Variants in SLMAP observed in about 807,000 individuals in gnomAD.
SLMAP encodes the protein sarcolemmal membrane-associated protein.
SLMAP carries 44 observed loss-of-function variants against 128.8 expected under a neutral mutation model. The ratio of observed to expected loss-of-function variants is 0.34; its 90% confidence interval spans 0.27 to 0.44. The LOEUF (loss-of-function observed/expected upper bound fraction) is 0.44, where lower values mean the gene tolerates loss of function less well. Ranked by LOEUF, SLMAP falls within the 20% of genes least tolerant of loss-of-function variation. SLMAP has a pLI of 1.00. For missense variants in SLMAP, 787 were observed against 985.3 expected (o/e 0.80, Z 2.69); for synonymous variants, 327 against 348.8 (o/e 0.94, Z 0.70).
At chr3:57,768,803 G>A (rs1051234593) in intron 2 of SLMAP, among the ~76,000 whole-genome samples, 6 of 151,726 alleles carry the variant, frequency 4.0e-5, no homozygotes, top group African/African-American at 4.9e-5. Context: ...CTAATCAGTC[G>A]AAGGCCTTAA....
At chr3:57,760,499 A>G (rs2078402115) in intron 2 of SLMAP, among the ~76,000 whole-genome samples, 1 of 152,168 alleles carries the variant, frequency 6.6e-6, no homozygotes, top group African/African-American at 2.4e-5. Flanking sequence ...AGTAGGTTTT[A>G]ATTGAGCATC....
At chr3:57,889,975 A>C (rs896415906) in intron 14 of SLMAP, 66 bp from the exon 15 acceptor site, 1 of 1,127,270 alleles carries the variant, frequency 8.9e-7, no homozygotes, top group African/African-American at 1.5e-5. Context: ...AATGTGTTAC[A>C]CTGCCCAGCT....
At chr3:57,779,409 T>G (rs2082547088) in intron 2 of SLMAP, among the ~76,000 whole-genome samples, 1 of 149,750 alleles carries the variant, frequency 6.7e-6, no homozygotes, top group Non-Finnish European at 1.5e-5. Flanking sequence ...CTCAGGAGGC[T>G]GAGGTGGGAG....
chr3:57,910,202 G>GT, intron 19 of SLMAP, among the ~76,000 whole-genome samples: 1 of 151,800 alleles, frequency 6.6e-6, no homozygotes, highest in Middle Eastern at 3.4e-3. Flanking sequence ...TTTTTTGCTT[G>GT]TTTTTTTGAG....
At chr3:57,833,376 TG>T (rs1329971579) in intron 3 of SLMAP, among the ~76,000 whole-genome samples, 2 of 152,184 alleles carry the variant, frequency 1.3e-5, no homozygotes, top group Non-Finnish European at 2.9e-5. Context: ...GCTAAGAAGA[TG>T]ACCCTGAGAT....
At chr3:57,839,241 T>C (rs1396503409) in intron 3 of SLMAP, among the ~76,000 whole-genome samples, 1 of 151,788 alleles carries the variant, frequency 6.6e-6, no homozygotes, top group Non-Finnish European at 1.5e-5. Flanking sequence ...GCCCTGCCAA[T>C]AGATGGTTCT....
chr3:57,909,000 A>G, intron 18 of SLMAP, 76 bp from the exon 19 acceptor site: 1 of 1,035,270 alleles, frequency 9.7e-7, no homozygotes, highest in Non-Finnish European at 1.4e-6. Context: ...TTTTAAAAGA[A>G]ATTTTCAGCT....
chr3:57,760,483 A>G (rs1368403789), intron 2 of SLMAP, among the ~76,000 whole-genome samples: 2 of 152,138 alleles, frequency 1.3e-5, no homozygotes, highest in Non-Finnish European at 2.9e-5. Flanking sequence ...TTTGGTTTGG[A>G]CAGATAGTAG....
At chr3:57,846,548 T>C (rs943834881) in intron 4 of SLMAP, among the ~76,000 whole-genome samples, 1 of 151,028 alleles carries the variant, frequency 6.6e-6, no homozygotes, top group Admixed American at 6.6e-5. Context: ...AAATTGAAAA[T>C]GGATAATTTT....
intron 6 of SLMAP, among the ~76,000 whole-genome samples, chr3:57,854,290 A>G (rs532002753): frequency 9.4e-4 from 138 of 147,048 alleles, no homozygotes; most frequent in Non-Finnish European, 1.1e-3. Context: ...GAGTGAAGCA[A>G]TCTCTCTTTT....
At chr3:57,860,884 CA>C (rs1560289694) in intron 9 of SLMAP, 45 bp downstream of exon 9, 5 of 1,458,342 alleles carry the variant, frequency 3.4e-6, no homozygotes, top group African/African-American at 1.5e-5. Flanking sequence ...TATGAGTGTT[CA>C]AAAAAATCTC....
chr3:57,810,269 C>T (rs77536460), intron 2 of SLMAP, among the ~76,000 whole-genome samples: 1,570 of 152,322 alleles, frequency 0.01, 19 homozygotes, highest in Non-Finnish European at 0.017. Context: ...ACCCCATGCT[C>T]GCTTGCTTGC....
intron 2 of SLMAP, among the ~76,000 whole-genome samples, chr3:57,794,614 G>A (rs2086291676): frequency 6.6e-6 from 1 of 151,984 alleles, no homozygotes; most frequent in Admixed American, 6.6e-5. Context: ...TTCAGACCCT[G>A]GCAACCACTA....
chr3:57,884,072 G>A (rs1354752441), intron 14 of SLMAP, among the ~76,000 whole-genome samples: 1 of 151,556 alleles, frequency 6.6e-6, no homozygotes, highest in African/African-American at 2.4e-5. Context: ...GAGACTAAGG[G>A]CATACGTCAC....
chr3:57,780,346 G>T (rs1169944188), intron 2 of SLMAP, among the ~76,000 whole-genome samples: 1 of 152,048 alleles, frequency 6.6e-6, no homozygotes, highest in Non-Finnish European at 1.5e-5. Flanking sequence ...GATCTCGCCA[G>T]GTTGCCCAGG....
chr3:57,759,946 G>GC (rs1553759798), intron 2 of SLMAP, among the ~76,000 whole-genome samples: 1 of 151,790 alleles, frequency 6.6e-6, no homozygotes, highest in Non-Finnish European at 1.5e-5. Context: ...GTTAATATTT[G>GC]TTTTTTTTCT....
chr3:57,790,018 G>A (rs1340870795), intron 2 of SLMAP, among the ~76,000 whole-genome samples: 1 of 151,960 alleles, frequency 6.6e-6, no homozygotes, highest in Non-Finnish European at 1.5e-5. Flanking sequence ...TTTATTTTTA[G>A]TAGAGACGGG....
Position 57,869,653 on chromosome 3 carries a change from TATATATA to T in SLMAP, c.1238-1975_1238-1969del, listed in dbSNP as rs1163284694. ...TATTATATATATATATATATATATA[TATATATA>T]ATATATATAAACAAAACAAATTCTA... On this transcript the variant is annotated intron_variant, in intron 13 of 24. Transcript: ENST00000671191. Among the ~76,000 whole-genome samples the T allele has an allele frequency of 1.3e-4, 17 of 135,162 alleles. 2 individuals are homozygous for T. Among genetic ancestry groups the T allele is most frequent in the South Asian group, 2.2e-4 (1 of 4,452 alleles). The allele number at this position is 135,162 out of a possible 152,430, so 88.7% of individuals were successfully genotyped here.
chr3:57,906,086 A>G (rs979218672), intron 17 of SLMAP, among the ~76,000 whole-genome samples: 1 of 150,242 alleles, frequency 6.7e-6, no homozygotes, highest in African/African-American at 2.4e-5. Context: ...ATTATCCTAT[A>G]TAATGACAAA....
Sources: gnomAD v4.1 joint callset for allele counts (sites outside exome capture counted in the v4.1 genomes callset) on GRCh38, gnomAD v4.1.1 for gene constraint, MANE v1.5 for transcripts, NCBI Gene and HGNC (gene_info 2026-07-23, HGNC 2026-07-21) for gene names.